FAM193A: variants seen among roughly 807,000 people sequenced by gnomAD.
FAM193A encodes family with sequence similarity 193 member A.
A neutral mutation model predicts 126.5 loss-of-function variants in FAM193A; 22 were observed. The ratio of observed to expected loss-of-function variants is 0.17; its 90% CI spans 0.12 to 0.25. The LOEUF is 0.25. FAM193A is among the 10% of genes least tolerant of loss of function. The probability of loss-of-function intolerance (pLI) is 1.00; values close to 1 mark genes in which losing one functional copy is unlikely to be tolerated. For missense variants in FAM193A, 1,675 were observed against 1,672.8 expected (o/e 1.00, Z -0.02); for synonymous variants, 761 against 646.8 (o/e 1.18, Z -2.68).
At chr4:2,652,712 A>T (rs2109076752) in intron 7 of FAM193A, among the ~76,000 whole-genome samples, 1 of 152,324 alleles carries the variant, frequency 6.6e-6, no homozygotes, top group Admixed American at 6.5e-5. Flanking sequence ...TTACAGTTTG[A>T]CATGAGATTT....
chr4:2,600,865 G>T (rs1031391733), intron 2 of FAM193A, among the ~76,000 whole-genome samples: 1 of 152,206 alleles, frequency 6.6e-6, no homozygotes, highest in African/African-American at 2.4e-5. Flanking sequence ...CCCCTTCACA[G>T]CCATGTATGT....
intron 2 of FAM193A, among the ~76,000 whole-genome samples, chr4:2,620,938 G>A (rs140575864): frequency 4.6e-5 from 7 of 152,092 alleles, no homozygotes; most frequent in East Asian, 1.9e-4. Flanking sequence ...CAGATTTAGG[G>A]AGCAGCCACT....
At chr4:2,598,375 G>A (rs141585507) in intron 2 of FAM193A, among the ~76,000 whole-genome samples, 1 of 152,312 alleles carries the variant, frequency 6.6e-6, no homozygotes, top group Non-Finnish European at 1.5e-5. Flanking sequence ...GGATGTTTGT[G>A]TTGTTCCCAC....
chr4:2,718,299 A>G (rs530669031), intron 20 of FAM193A, among the ~76,000 whole-genome samples: 5 of 152,292 alleles, frequency 3.3e-5, no homozygotes, highest in South Asian at 2.1e-4. Flanking sequence ...AGAGAAAAAA[A>G]GACACAAAAA....
intron 1 of FAM193A, among the ~76,000 whole-genome samples, chr4:2,587,394 A>T (rs998986369): frequency 2.0e-5 from 3 of 152,192 alleles, no homozygotes; most frequent in Non-Finnish European, 2.9e-5. Flanking sequence ...TGCACTTCCC[A>T]TTAGGCCCAC....
At chr4:2,629,851 G>T (rs1743365199) in intron 4 of FAM193A, among the ~76,000 whole-genome samples, 1 of 152,178 alleles carries the variant, frequency 6.6e-6, no homozygotes, top group Non-Finnish European at 1.5e-5. Flanking sequence ...TGCATTATCG[G>T]CCGGGTGCGG....
At chr4:2,628,738 A>G (rs17164054) in intron 4 of FAM193A, among the ~76,000 whole-genome samples, 4,376 of 152,298 alleles carry the variant, frequency 0.029, 224 homozygotes, top group African/African-American at 0.099. Flanking sequence ...TAACATTGCA[A>G]CTTCAGTACT....
chr4:2,595,377 TAAAGG>T (rs1281911259), intron 1 of FAM193A, among the ~76,000 whole-genome samples: 1 of 152,224 alleles, frequency 6.6e-6, no homozygotes, highest in Non-Finnish European at 1.5e-5. Context: ...ATTTGTGTTT[TAAAGG>T]CTAATTTTAT....
At position 2,540,362 on chromosome 4, in the gene FAM193A, G is replaced by A. The variant is rs1265258777; in HGVS notation, c.255+3192G>A. On this transcript the variant is annotated intron_variant, in intron 1 of 20. Coordinates refer to ENST00000637812, the MANE Select transcript of FAM193A (RefSeq NM_001366318.2). ...GGGCACCTGTAGTCCCAGCTACTCC[G>A]GAGGCTGAGGCAGGAGAATAGTGTG... Among the ~76,000 whole-genome samples, 3 of 152,180 alleles carry A rather than the reference G, an allele frequency of 2.0e-5. No individual in the cohort carries two copies. In the East Asian group the frequency reaches 5.8e-4, roughly 29 times the overall value.
chr4:2,610,166 A>AGGT (rs1436297493), intron 2 of FAM193A, among the ~76,000 whole-genome samples: 1 of 152,048 alleles, frequency 6.6e-6, no homozygotes. Flanking sequence ...AGAGAGTTGG[A>AGGT]GGTTGCAGTG....
At chr4:2,724,261 C>T (rs1339231667) in intron 20 of FAM193A, among the ~76,000 whole-genome samples, 1 of 151,988 alleles carries the variant, frequency 6.6e-6, no homozygotes, top group Non-Finnish European at 1.5e-5. Context: ...ACTTCCTTTT[C>T]CCAACTTTCT....
At chr4:2,632,049 G>A (rs1348218701) in intron 5 of FAM193A, among the ~76,000 whole-genome samples, 2 of 149,544 alleles carry the variant, frequency 1.3e-5, no homozygotes, top group Admixed American at 6.6e-5. Context: ...TAGGAAGGCT[G>A]AGAAGTCTAA....
intron 1 of FAM193A, among the ~76,000 whole-genome samples, chr4:2,546,286 C>T (rs1737548412): frequency 6.6e-6 from 1 of 152,052 alleles, no homozygotes; most frequent in African/African-American, 2.4e-5. Flanking sequence ...GCTACTGTCC[C>T]AGCCAAAATT....
intron 8 of FAM193A, among the ~76,000 whole-genome samples, chr4:2,658,119 C>G (rs1257606130): frequency 6.6e-6 from 1 of 152,218 alleles, no homozygotes; most frequent in African/African-American, 2.4e-5. Flanking sequence ...TGAGTGGCCT[C>G]TCTATCCCAC....
At chr4:2,575,758 G>A (rs1429147094) in intron 1 of FAM193A, among the ~76,000 whole-genome samples, 8 of 152,104 alleles carry the variant, frequency 5.3e-5, no homozygotes, top group South Asian at 4.2e-4. Flanking sequence ...GAGCCATCGC[G>A]CCCGGCGAGA....
chr4:2,705,778 AG>A (rs1312356195), intron 19 of FAM193A, among the ~76,000 whole-genome samples: 1 of 151,490 alleles, frequency 6.6e-6, no homozygotes, highest in Non-Finnish European at 1.5e-5. Context: ...TAGTAGAAAC[AG>A]GGTCTTGCTA....
chr4:2,546,456 G>A (rs1320398377), intron 1 of FAM193A, among the ~76,000 whole-genome samples: 1 of 152,134 alleles, frequency 6.6e-6, no homozygotes, highest in East Asian at 1.9e-4. Flanking sequence ...AGCCATTACT[G>A]TGTTGCTTGG....
intron 20 of FAM193A, among the ~76,000 whole-genome samples, chr4:2,717,010 G>C (rs370522431): frequency 5.0e-4 from 73 of 144,776 alleles, no homozygotes; most frequent in African/African-American, 1.8e-3. Context: ...TTGAGACAGA[G>C]TCTCTGTCAC....
intron 10 of FAM193A, 107 bp downstream of exon 10, chr4:2,660,161 C>A: frequency 1.6e-6 from 2 of 1,240,656 alleles, no homozygotes; most frequent in South Asian, 1.5e-5. Context: ...TTGTGCTTTT[C>A]ATGACAAGGG....
Sources: gnomAD v4.1 joint callset for allele counts (sites outside exome capture counted in the v4.1 genomes callset) on GRCh38, gnomAD v4.1.1 for gene constraint, MANE v1.5 for transcripts, NCBI Gene and HGNC (gene_info 2026-07-23, HGNC 2026-07-21) for gene names.